The following DMD variants were observed in gnomAD, a reference collection of about 807,000 sequenced individuals.
The protein encoded by DMD is dystrophin, also known as mutant dystrophin.
Under a neutral mutation model 330.1 loss-of-function variants are expected in DMD, and 63 were observed. The ratio of observed to expected loss-of-function variants is 0.19; its 90% CI spans 0.16 to 0.24. DMD has a LOEUF of 0.24. Among genes scored for constraint, DMD ranks in the 10% least tolerant of loss-of-function variants. DMD has a pLI of 1.00. For synonymous variants in DMD, 1,223 were observed against 959.8 expected, an observed-to-expected ratio of 1.27 and a Z score of -5.07; for missense variants, 3,344 against 2,684.1, an observed-to-expected ratio of 1.25 and a Z score of -5.43.
At chrX:31,556,047 A>C (rs5927769) in intron 55 of DMD, among the ~76,000 whole-genome samples, 38,954 of 109,536 alleles carry the variant, frequency 0.36, 5,455 homozygotes, top group African/African-American at 0.48. Context: ...ATTTTAAAAG[A>C]TTTATGATAG....
intron 7 of DMD, among the ~76,000 whole-genome samples, chrX:32,707,227 A>G (rs988579517): frequency 2.7e-5 from 3 of 112,523 alleles, no homozygotes; most frequent in Non-Finnish European, 5.6e-5. Context: ...GATCCCAGAG[A>G]TATGTTCTCA....
chrX:32,698,663 A>T, intron 8 of DMD, among the ~76,000 whole-genome samples: 1 of 112,097 alleles, frequency 8.9e-6, no homozygotes, highest in African/African-American at 3.2e-5. Flanking sequence ...TCTATTTTCA[A>T]AATTGTTATC....
intron 1 of DMD, among the ~76,000 whole-genome samples, chrX:33,314,645 G>A (rs1447098358): frequency 1.0e-5 from 1 of 99,587 alleles, no homozygotes; most frequent in Non-Finnish European, 2.0e-5. Context: ...GTTCATTCTG[G>A]AGACTCTAGG....
intron 1 of DMD, among the ~76,000 whole-genome samples, chrX:33,233,632 A>G (rs1168414108): frequency 8.9e-6 from 1 of 112,233 alleles, no homozygotes; most frequent in Non-Finnish European, 1.9e-5. Flanking sequence ...AATGGTTGCC[A>G]CATGTTAGGC....
chrX:32,910,741 C>T (rs1001664071), intron 2 of DMD, among the ~76,000 whole-genome samples: 3 of 111,995 alleles, frequency 2.7e-5, no homozygotes, highest in African/African-American at 9.7e-5. Flanking sequence ...GCGCCCCGCC[C>T]TAGAACACAC....
At chrX:32,384,891 T>C (rs900042748) in intron 33 of DMD, among the ~76,000 whole-genome samples, 3 of 111,306 alleles carry the variant, frequency 2.7e-5, no homozygotes, top group Admixed American at 1.9e-4. Flanking sequence ...TAGAAGTCCA[T>C]TTTTGGAAAT....
In DMD at chrX:31,705,345, T is replaced by G. The variant is rs772008578; in HGVS notation, c.7660+24286A>C. ...TTCCCTCTGCCTAGAATGCATCATC[T>G]GGTACATGGCAGGTGCTTCATGAAT... On this transcript the variant is annotated intron_variant, in intron 52 of 78. Coordinates refer to ENST00000357033, the MANE Select transcript of DMD (RefSeq NM_004006.3). 6.3e-4 allele frequency among the ~76,000 whole-genome samples: 71 copies of G among 113,126 alleles called. 1 individual carries two copies. The highest frequency in any genetic ancestry group is 2.9e-3 in the Admixed American group (31 of 10,735).
At chrX:32,594,732 C>T (rs183593751) in intron 13 of DMD, among the ~76,000 whole-genome samples, 11 of 111,610 alleles carry the variant, frequency 9.9e-5, no homozygotes, top group African/African-American at 2.6e-4. Flanking sequence ...ACCATCTTCT[C>T]GTCCTCTTCT....
intron 62 of DMD, among the ~76,000 whole-genome samples, chrX:31,300,886 T>C (rs778706002): frequency 2.7e-5 from 3 of 112,312 alleles, no homozygotes; most frequent in African/African-American, 9.7e-5. Flanking sequence ...GCTCCCATAC[T>C]TGTAGCAAGA....
intron 60 of DMD, among the ~76,000 whole-genome samples, chrX:31,362,779 G>A (rs1002222697): frequency 8.9e-6 from 1 of 112,173 alleles, no homozygotes; most frequent in Non-Finnish European, 1.9e-5. Flanking sequence ...CCCGTCTCTA[G>A]TAAAAACACA....
intron 47 of DMD, among the ~76,000 whole-genome samples, chrX:31,878,880 T>C (rs1237964321): frequency 8.9e-6 from 1 of 112,176 alleles, no homozygotes; most frequent in Non-Finnish European, 1.9e-5. Context: ...AAATGCAGAC[T>C]CTTCTACGTG....
intron 60 of DMD, among the ~76,000 whole-genome samples, chrX:31,421,342 G>T (rs2063349420): frequency 8.9e-6 from 1 of 112,209 alleles, no homozygotes; most frequent in Admixed American, 9.5e-5. Flanking sequence ...AATAAAATAA[G>T]CAAATAAGAC....
chrX:33,230,601 A>T (rs2052371191), intron 1 of DMD, among the ~76,000 whole-genome samples: 1 of 111,320 alleles, frequency 9.0e-6, no homozygotes. Context: ...CAGCAAAAGG[A>T]GGGAGTTGCA....
chrX:33,240,532 C>A, intron 1 of DMD, among the ~76,000 whole-genome samples: 1 of 112,077 alleles, frequency 8.9e-6, no homozygotes, highest in Middle Eastern at 4.6e-3. Flanking sequence ...CTTGGGTGTG[C>A]AGATATCTCT....
chrX:31,174,994 C>A (rs1679660646), intron 71 of DMD, among the ~76,000 whole-genome samples: 1 of 111,389 alleles, frequency 9.0e-6, no homozygotes, highest in Non-Finnish European at 1.9e-5. Context: ...ATAAGCAGAT[C>A]CAAAGATTTC....
At chrX:32,440,663 TA>T (rs748998317) in intron 28 of DMD, among the ~76,000 whole-genome samples, 4 of 111,585 alleles carry the variant, frequency 3.6e-5, no homozygotes, top group Non-Finnish European at 5.7e-5. Context: ...GTCTCCAAAG[TA>T]AAACTTAAAA....
chrX:33,318,168 A>C (rs1191765451), intron 1 of DMD, among the ~76,000 whole-genome samples: 2 of 110,688 alleles, frequency 1.8e-5, no homozygotes, highest in Non-Finnish European at 3.8e-5. Context: ...AAAATGGACC[A>C]ATATCAGCAA....
At chrX:32,784,850 A>G (rs1349089057) in intron 7 of DMD, among the ~76,000 whole-genome samples, 9 of 111,826 alleles carry the variant, frequency 8.0e-5, no homozygotes, top group Non-Finnish European at 1.7e-4. Flanking sequence ...TCTGTCTTAT[A>G]TAACAGTTAC....
chrX:32,950,170 TGTA>T (rs1283852735), intron 2 of DMD, among the ~76,000 whole-genome samples: 8 of 110,112 alleles, frequency 7.3e-5, no homozygotes, highest in Admixed American at 2.0e-4. Context: ...AAAACAAATA[TGTA>T]GTAGTAGTAG....
Sources: gnomAD v4.1 joint callset for allele counts (sites outside exome capture counted in the v4.1 genomes callset) on GRCh38, gnomAD v4.1.1 for gene constraint, MANE v1.5 for transcripts, NCBI Gene and HGNC (gene_info 2026-07-23, HGNC 2026-07-21) for gene names.